The following HACD4 variants were observed in gnomAD, a reference collection of about 807,000 sequenced individuals.
The protein encoded by HACD4 is 3-hydroxyacyl-CoA dehydratase 4.
A neutral mutation model predicts 33.3 loss-of-function variants in HACD4; 35 were observed. The observed-to-expected ratio is 1.05, with a 90% CI of 0.80 to 1.39. The LOEUF (loss-of-function observed/expected upper bound fraction) is 1.39, where lower values mean the gene tolerates loss of function less well. Ranked by LOEUF, HACD4 falls within the 40% of genes most tolerant of loss-of-function variation. The pLI is 0.00. For missense variants in HACD4, 323 were observed against 276.5 expected (o/e 1.17, Z -1.19); for synonymous variants, 118 against 98.0 (o/e 1.20, Z -1.21).
chr9:21,004,803 A>T lies in HACD4; in HGVS notation c.*2234T>A, dbSNP rs1173623471. On this transcript the variant is annotated 3_prime_UTR_variant, in exon 7 of 7. Transcript: ENST00000495827. This position sits in a 1 kb window ranked among gnomAD's most constrained non-coding sequence, Gnocchi z 4.6. ...AAGATGTGGAAGCAGCTTTGACGTT[A>T]GGTAACAGATAGAAGCTGGAAGAGT... 1 of 152,216 alleles carries T rather than the reference A, an allele frequency of 6.6e-6. No individual in the cohort carries two copies. Among genetic ancestry groups the T allele is most frequent in the Non-Finnish European group, 1.5e-5 (1 of 68,050 alleles). 9.4% of individuals were successfully genotyped at this position (152,216 alleles called of 1,614,324 possible).
At chr9:21,017,799 G>C (rs898728325) in intron 3 of HACD4, 11 of 152,148 alleles carry the variant, frequency 7.2e-5, no homozygotes, top group African/African-American at 2.2e-4. Context: ...CAAGGAATTT[G>C]GGAACAGACC....
intron 3 of HACD4, 152 bp downstream of exon 3, chr9:21,026,444 C>A (rs1818062038): frequency 3.1e-6 from 2 of 654,300 alleles, no homozygotes; most frequent in Non-Finnish European, 2.6e-6. Flanking sequence ...GGCAGTTTTA[C>A]AATAAGGTTG....
chr9:21,010,520 A>C (rs892300056), intron 5 of HACD4, among the ~76,000 whole-genome samples: 5 of 150,158 alleles, frequency 3.3e-5, no homozygotes, highest in Non-Finnish European at 7.4e-5. Flanking sequence ...AGAATCATAC[A>C]AATGTGTAAT....
At chr9:21,031,406 G>A (rs1045820440) in intron 1 of HACD4, 147 bp downstream of exon 1, 5 of 1,280,316 alleles carry the variant, frequency 3.9e-6, no homozygotes, top group African/African-American at 1.6e-5. Flanking sequence ...ATACCTGCAT[G>A]AGCTCCAAGG....
intron 3 of HACD4, among the ~76,000 whole-genome samples, chr9:21,018,333 A>G (rs912363676): frequency 1.3e-5 from 2 of 152,202 alleles, no homozygotes; most frequent in African/African-American, 4.8e-5. Context: ...ACCAACTGAA[A>G]GTGACTTACC....
chr9:21,004,105 A>C lies in HACD4; in HGVS notation c.*2932T>G, dbSNP rs1274409441. 1.3e-5 allele frequency: 2 copies of C among 152,214 alleles called. No individual in the cohort carries two copies. Among genetic ancestry groups the C allele is most frequent in the East Asian group, 3.9e-4 (2 of 5,190 alleles). The allele number at this position is 152,214 out of a possible 1,614,324, so 9.4% of individuals were successfully genotyped here. A position where few individuals can be genotyped will look rare whatever the true frequency, so the allele number is the denominator to read the frequency against. ...ACTGCAACCTCCATCTCCTGGGCTC[A>C]AGCGATTCTCATGCCCCCAGCCTCC... is the stretch of plus-strand genomic sequence containing the variant. On this transcript the variant is annotated 3_prime_UTR_variant, in exon 7 of 7. Coordinates refer to ENST00000495827, the MANE Select transcript of HACD4 (RefSeq NM_001010915.5). The surrounding 1 kb of genome is among the most constrained non-coding windows in gnomAD (Gnocchi z 4.6).
Position 21,029,340 on chromosome 9 carries a change from A to T in HACD4, c.97T>A (p.Trp33Arg). The T allele has an allele frequency of 1.2e-6, 2 of 1,601,898 alleles. No individual in the cohort carries two copies. Among genetic ancestry groups the T allele is most frequent in the Non-Finnish European group, 8.5e-7 (1 of 1,170,270 alleles). Residue 33 changes from tryptophan to arginine, a missense_variant, in exon 2 of 7, where the codon TGG becomes AGG. Trp to Arg is a moderately radical substitution (Grantham distance 101, BLOSUM62 -3). Transcript: ENST00000495827. ...CTGACTGTCATATTTGTAAATATCC[A>T]AGAGTGGCCACAGAACTGGATTAAG... ...YYLIQFCGHS[W>R]IFTNMTVRFF...
intron 3 of HACD4, among the ~76,000 whole-genome samples, chr9:21,020,662 A>G (rs1291440400): frequency 2.6e-5 from 4 of 152,148 alleles, no homozygotes; most frequent in Non-Finnish European, 4.4e-5. Context: ...TTTGATTTAT[A>G]TTATCATTTC....
chr9:21,014,176 GA>G (rs895593306), intron 4 of HACD4, among the ~76,000 whole-genome samples: 2 of 151,748 alleles, frequency 1.3e-5, no homozygotes, highest in Non-Finnish European at 2.9e-5. Context: ...TTTTACAGAG[GA>G]AAAAAAAGTT....
chr9:21,014,747 G>A (rs1363554113), intron 4 of HACD4, among the ~76,000 whole-genome samples: 2 of 152,178 alleles, frequency 1.3e-5, no homozygotes, highest in Non-Finnish European at 2.9e-5. Flanking sequence ...AATAAGAAAG[G>A]TTAAGTGATT....
At chr9:21,020,219 G>C (rs893868568) in intron 3 of HACD4, among the ~76,000 whole-genome samples, 5 of 137,700 alleles carry the variant, frequency 3.6e-5, no homozygotes, top group Non-Finnish European at 7.9e-5. Context: ...TAATAGTGCA[G>C]GAGTGTTTAT....
At chr9:21,008,273 CT>C in intron 5 of HACD4, 127 bp from the exon 6 acceptor site, 1 of 829,212 alleles carries the variant, frequency 1.2e-6, no homozygotes, top group Non-Finnish European at 1.8e-6. Context: ...GTTGCTGAAT[CT>C]TTTTGCTAAA....
chr9:21,024,014 G>C (rs980642415), intron 3 of HACD4, among the ~76,000 whole-genome samples: 1 of 152,236 alleles, frequency 6.6e-6, no homozygotes, highest in African/African-American at 2.4e-5. Flanking sequence ...AACCAAGAAT[G>C]ATTACACAAT....
intron 1 of HACD4, among the ~76,000 whole-genome samples, chr9:21,029,803 G>A (rs12378299): frequency 4.6e-5 from 7 of 152,018 alleles, no homozygotes; most frequent in Admixed American, 3.3e-4. Context: ...ACAGTGCACT[G>A]TGGAGTACCG....
At chr9:21,011,321 T>G (rs1310605063) in intron 5 of HACD4, among the ~76,000 whole-genome samples, 1 of 152,158 alleles carries the variant, frequency 6.6e-6, no homozygotes, top group East Asian at 1.9e-4. Context: ...TCTGAGAGGT[T>G]AAATGAGTTA....
intron 5 of HACD4, among the ~76,000 whole-genome samples, chr9:21,011,225 A>C (rs922675997): frequency 2.6e-5 from 4 of 152,204 alleles, no homozygotes; most frequent in African/African-American, 9.7e-5. Context: ...GGAAAGACTC[A>C]CCAGAGGGGA....
rs1054237972 is a variant in HACD4, at chr9:21,001,036, A to G, written c.*6001T>C. The G allele has an allele frequency of 2.6e-5, 4 of 152,120 alleles. No homozygotes were observed. The highest frequency in any genetic ancestry group is 2.0e-4 in the Admixed American group (3 of 15,256). The allele number at this position is 152,120 out of a possible 1,614,324, so 9.4% of individuals were successfully genotyped here. A position where few individuals can be genotyped will look rare whatever the true frequency, so the allele number is the denominator to read the frequency against. On this transcript the variant is annotated 3_prime_UTR_variant, in exon 7 of 7. Coordinates refer to ENST00000495827, the MANE Select transcript of HACD4 (RefSeq NM_001010915.5). Reference sequence around the variant, plus strand: ...TGAAACGTTCAGTTTTCAGCAAAAAAATAACAAGGCATACAAAGAAACAGG... The same window carrying G: ...TGAAACGTTCAGTTTTCAGCAAAAAGATAACAAGGCATACAAAGAAACAGG...
rs1248086871 is a variant in HACD4 at position 21,006,427 on chromosome 9, G to A, written c.*610C>T. The A allele has an allele frequency of 6.5e-6, 1 of 153,166 alleles. No homozygotes were observed. 9.5% of individuals were successfully genotyped at this position (153,166 alleles called of 1,614,324 possible). On this transcript the variant is annotated 3_prime_UTR_variant, in exon 7 of 7. Coordinates refer to ENST00000495827, the MANE Select transcript of HACD4 (RefSeq NM_001010915.5). The surrounding 1 kb of genome is among the most constrained non-coding windows in gnomAD (Gnocchi z 4.6). ...GAATTCCCAGCCTCCAGAACTGTGA[G>A]AAGCGTTTGCTGTTGTTTAAGCCAT...
Position 21,006,303 on chromosome 9 carries a change from A to G in HACD4, c.*734T>C, listed in dbSNP as rs1564267463. 2 of 152,202 alleles carry G rather than the reference A, an allele frequency of 1.3e-5. No homozygotes were observed. The highest frequency in any genetic ancestry group is 2.4e-5 in the African/African-American group (1 of 41,368). The allele number at this position is 152,202 out of a possible 1,614,324, so 9.4% of individuals were successfully genotyped here. Reference sequence around the variant, plus strand: ...CATTATAAGAGACATAAGAGAGTTGATCTCTCTCTCATGTGAGGACAAAGA... The same window carrying G: ...CATTATAAGAGACATAAGAGAGTTGGTCTCTCTCTCATGTGAGGACAAAGA... On this transcript the variant is annotated 3_prime_UTR_variant, in exon 7 of 7. Coordinates refer to ENST00000495827, the MANE Select transcript of HACD4 (RefSeq NM_001010915.5). This position sits in a 1 kb window ranked among gnomAD's most constrained non-coding sequence, Gnocchi z 4.6.
Sources: gnomAD v4.1 joint callset for allele counts (sites outside exome capture counted in the v4.1 genomes callset) on GRCh38, gnomAD v4.1.1 for gene constraint, Gnocchi (gnomAD v3.1) non-coding constraint, MANE v1.5 for transcripts, NCBI Gene and HGNC (gene_info 2026-07-23, HGNC 2026-07-21) for gene names.